The following TTC3 variants were observed in gnomAD, a reference collection of about 807,000 sequenced individuals.
The protein encoded by TTC3 is E3 ubiquitin-protein ligase TTC3.
TTC3 carries 180 observed loss-of-function variants against 249.6 expected under a neutral mutation model. The ratio of observed to expected loss-of-function variants is 0.72; its 90% CI spans 0.64 to 0.82. TTC3 has a LOEUF of 0.82. Among genes scored for constraint, TTC3 ranks in the 40% least tolerant of loss-of-function variants. The probability of loss-of-function intolerance (pLI) is 0.00; values close to 1 mark genes in which losing one functional copy is unlikely to be tolerated. For missense variants in TTC3, 2,061 were observed against 2,398.4 expected, an observed-to-expected ratio of 0.86 and a Z score of 2.94; for synonymous variants, 717 against 805.0, an observed-to-expected ratio of 0.89 and a Z score of 1.85.
chr21:37,149,244 A>G (rs921043616), intron 23 of TTC3, among the ~76,000 whole-genome samples: 19 of 152,222 alleles, frequency 1.2e-4, no homozygotes, highest in Admixed American at 1.1e-3. Flanking sequence ...TTTCTGATCT[A>G]TAGAAACTAT....
intron 27 of TTC3, among the ~76,000 whole-genome samples, chr21:37,156,253 G>A (rs557054819): frequency 5.3e-4 from 3 of 5,614 alleles, no homozygotes; most frequent in African/African-American, 2.6e-3. Flanking sequence ...GCCAGGGCTG[G>A]TATTGAACTC....
chr21:37,184,795 C>A (rs2083089714), intron 36 of TTC3, among the ~76,000 whole-genome samples: 1 of 152,052 alleles, frequency 6.6e-6, no homozygotes, highest in African/African-American at 2.4e-5. Context: ...CAAATAAATG[C>A]TTTAAAGCTC....
exon 18 of TTC3, chr21:37,135,464 G>A (rs375388003): frequency 6.2e-7 from 1 of 1,613,918 alleles, no homozygotes; most frequent in East Asian, 2.2e-5. Flanking sequence ...CCGCAGCGCT[G>A]CACAGGCCTT....
Position 37,200,221 on chromosome 21 carries a change from T to C in TTC3, c.5851-11T>C. ...TTATTCTTTACTATTCAGGTGTGTT[T>C]GTTTCCACAGGCACTGGGTGCAAGT... On this transcript the variant is annotated splice_polypyrimidine_tract_variant and intron_variant, in intron 44 of 45. Transcript: ENST00000355666. The C allele has an allele frequency of 6.2e-7, 1 of 1,613,888 alleles. No individual in the cohort carries two copies. The highest frequency in any genetic ancestry group is 1.3e-5 in the African/African-American group (1 of 75,042).
exon 46 of TTC3, chr21:37,201,690 C>A: frequency 2.2e-6 from 3 of 1,334,218 alleles, no homozygotes; most frequent in Non-Finnish European, 3.0e-6. Context: ...TGTCACAAAG[C>A]TAAATACATG....
At chr21:37,102,482 A>G (rs1208930133) in intron 10 of TTC3, among the ~76,000 whole-genome samples, 1 of 152,224 alleles carries the variant, frequency 6.6e-6, no homozygotes, top group African/African-American at 2.4e-5. Context: ...TGGTGATCAA[A>G]TATTGCCTTT....
chr21:37,140,014 A>C (rs1177880981), intron 19 of TTC3, among the ~76,000 whole-genome samples: 1 of 152,160 alleles, frequency 6.6e-6, no homozygotes, highest in African/African-American at 2.4e-5. Flanking sequence ...CAAAAACAAA[A>C]TTCATTCAAC....
intron 34 of TTC3, among the ~76,000 whole-genome samples, chr21:37,171,162 T>G (rs966873181): frequency 2.6e-5 from 4 of 152,244 alleles, no homozygotes; most frequent in Non-Finnish European, 4.4e-5. Context: ...TGTTTACTGT[T>G]GTTGAAGTCT....
chr21:37,155,409 G>T (rs1302895586), intron 27 of TTC3, among the ~76,000 whole-genome samples: 1 of 152,188 alleles, frequency 6.6e-6, no homozygotes, highest in Non-Finnish European at 1.5e-5. Flanking sequence ...CTCTGACGTG[G>T]ATAGGGAACG....
intron 18 of TTC3, 54 bp from the exon 19 acceptor site, chr21:37,138,580 G>A (rs2078163845): frequency 8.1e-7 from 1 of 1,229,574 alleles, no homozygotes; most frequent in Non-Finnish European, 1.2e-6. Flanking sequence ...GTGACTGGAT[G>A]CAAATTGGGC....
Position 37,108,332 on chromosome 21 carries a change from A to G in TTC3, c.846-60A>G, listed in dbSNP as rs937566793. The G allele has an allele frequency of 4.3e-5, 60 of 1,406,286 alleles. No individual in the cohort carries two copies. The African/African-American group carries it at 7.6e-4, about 18-fold the overall frequency. The allele number at this position is 1,406,286 out of a possible 1,614,324, so 87.1% of individuals were successfully genotyped here. ...AAAATTCACAAAGTACACATATGCA[A>G]GATATAATACTTTTACTATAAAAGA... On this transcript the variant is annotated intron_variant, in intron 10 of 45. Transcript: ENST00000355666.
chr21:37,137,296 A>G (rs1415022843), intron 18 of TTC3, among the ~76,000 whole-genome samples: 5 of 152,214 alleles, frequency 3.3e-5, no homozygotes, highest in African/African-American at 1.2e-4. Context: ...GATCTGGACA[A>G]AGTAAATTGA....
chr21:37,178,403 A>G (rs2082453639), intron 35 of TTC3, among the ~76,000 whole-genome samples: 1 of 152,234 alleles, frequency 6.6e-6, no homozygotes, highest in Non-Finnish European at 1.5e-5. Context: ...AGCCTGTTCC[A>G]AAACCATCCT....
At chr21:37,146,010 T>G (rs2078952998) in intron 21 of TTC3, among the ~76,000 whole-genome samples, 1 of 152,186 alleles carries the variant, frequency 6.6e-6, no homozygotes, top group Admixed American at 6.5e-5. Flanking sequence ...GATCCAGCAG[T>G]TTCACTCCTA....
chr21:37,147,210 T>G (rs1473993827), intron 21 of TTC3, among the ~76,000 whole-genome samples: 5 of 152,194 alleles, frequency 3.3e-5, no homozygotes, highest in Non-Finnish European at 7.4e-5. Flanking sequence ...AAAATGCGAT[T>G]TGATGATTGT....
exon 46 of TTC3, chr21:37,201,680 T>A: frequency 7.1e-7 from 1 of 1,400,472 alleles, no homozygotes; most frequent in Non-Finnish European, 9.6e-7. Context: ...GTGCATTGTG[T>A]GTCACAAAGC....
intron 19 of TTC3, among the ~76,000 whole-genome samples, chr21:37,139,810 A>AG (rs2078269892): frequency 1.5e-5 from 1 of 68,486 alleles, no homozygotes; most frequent in South Asian, 8.6e-4. Flanking sequence ...ACTGATTTAG[A>AG]AAAAAAAAAT....
chr21:37,141,950 C>T (rs893996717), intron 20 of TTC3, among the ~76,000 whole-genome samples: 1 of 152,150 alleles, frequency 6.6e-6, no homozygotes, highest in African/African-American at 2.4e-5. Context: ...GTTCAACATA[C>T]ACAAATCAAT....
At chr21:37,169,726 T>A (rs1021082678) in intron 34 of TTC3, among the ~76,000 whole-genome samples, 1 of 151,172 alleles carries the variant, frequency 6.6e-6, no homozygotes, top group Admixed American at 6.6e-5. Context: ...TGGACACCTG[T>A]AACCCCAGCT....
Sources: gnomAD v4.1 joint callset for allele counts (sites outside exome capture counted in the v4.1 genomes callset) on GRCh38, gnomAD v4.1.1 for gene constraint, MANE v1.5 for transcripts, NCBI Gene and HGNC (gene_info 2026-07-23, HGNC 2026-07-21) for gene names.